MLIP: variants seen among roughly 807,000 people sequenced by gnomAD.
The protein encoded by MLIP is muscular LMNA interacting protein, also known as muscular LMNA-interacting protein.
Under a neutral mutation model 84.8 loss-of-function variants are expected in MLIP, and 79 were observed. That is an observed-to-expected ratio of 0.93 (90% CI 0.78 to 1.12). The LOEUF is 1.12. Among genes scored for constraint, MLIP ranks in the 50% most tolerant of loss-of-function variants. MLIP has a pLI of 0.00. For synonymous variants in MLIP, 504 were observed against 463.0 expected (o/e 1.09, Z -1.14); for missense variants, 1,257 against 1,160.6 (o/e 1.08, Z -1.21).
At chr6:54,171,311 G>A (rs1041896632) in intron 9 of MLIP, among the ~76,000 whole-genome samples, 5 of 151,692 alleles carry the variant, frequency 3.3e-5, no homozygotes, top group African/African-American at 1.2e-4. Context: ...GTTCAGTATA[G>A]GCTAGAACAA....
chr6:54,139,331 A>G (rs933067389), intron 4 of MLIP, among the ~76,000 whole-genome samples: 2 of 152,232 alleles, frequency 1.3e-5, no homozygotes, highest in Admixed American at 6.5e-5. Flanking sequence ...TGAGTTCAAT[A>G]TAACAGGAGT....
chr6:54,148,934 A>C, intron 4 of MLIP, 122 bp from the exon 5 acceptor site: 1 of 703,144 alleles, frequency 1.4e-6, no homozygotes. Context: ...CAAGTTGTTC[A>C]GCATAATAAC....
intron 1 of MLIP, among the ~76,000 whole-genome samples, chr6:54,103,602 C>T (rs1446088822): frequency 2.0e-5 from 3 of 152,176 alleles, no homozygotes; most frequent in Admixed American, 6.5e-5. Flanking sequence ...CTGTGTTCCT[C>T]TCTATGTAAT....
chr6:54,055,431 ATATCT>A (rs1446416759), intron 1 of MLIP, among the ~76,000 whole-genome samples: 7 of 152,312 alleles, frequency 4.6e-5, no homozygotes, highest in Admixed American at 1.3e-4. Flanking sequence ...TATTTTCAAA[ATATCT>A]TATTTTATGG....
intron 4 of MLIP, among the ~76,000 whole-genome samples, chr6:54,145,511 C>T (rs1772713811): frequency 6.6e-6 from 1 of 152,034 alleles, no homozygotes; most frequent in Non-Finnish European, 1.5e-5. Context: ...GTGGCTCACG[C>T]CTGTAATCCC....
chr6:54,085,930 C>A (rs1006657013), intron 1 of MLIP, among the ~76,000 whole-genome samples: 1 of 152,182 alleles, frequency 6.6e-6, no homozygotes. Context: ...GCTGCTCTCA[C>A]TTCTTCTGAA....
chr6:54,047,132 G>T (rs1188367255), intron 1 of MLIP: 1 of 152,124 alleles, frequency 6.6e-6, no homozygotes, highest in African/African-American at 2.4e-5. Context: ...CGTGGTAGAT[G>T]GATCAGAAAC....
Position 54,219,983 on chromosome 6 carries a change from CA to C in MLIP, c.2719-10727del, listed in dbSNP as rs1780116251. 3.9e-5 allele frequency among the ~76,000 whole-genome samples: 6 copies of C among 152,078 alleles called. 1 individual carries two copies. In the South Asian group the frequency reaches 1.0e-3, roughly 26 times the overall value. On this transcript the variant is annotated intron_variant, in intron 11 of 13. Transcript: ENST00000502396. ...TGACTTTATTAAAAAAAACCTTCGG[CA>C]AAATAATCTAGATTGACTATACCAC...
intron 1 of MLIP, among the ~76,000 whole-genome samples, chr6:54,105,480 G>A (rs1475550267): frequency 6.6e-6 from 1 of 152,182 alleles, no homozygotes; most frequent in African/African-American, 2.4e-5. Context: ...CATTGGACAA[G>A]TATTTATTGA....
chr6:54,024,038 G>T (rs545588044), intron 1 of MLIP, among the ~76,000 whole-genome samples: 1 of 152,074 alleles, frequency 6.6e-6, no homozygotes, highest in Admixed American at 6.5e-5. Context: ...TTGAATTCGA[G>T]TTTCACTCTT....
intron 1 of MLIP, among the ~76,000 whole-genome samples, chr6:54,060,163 A>C (rs976992071): frequency 5.3e-5 from 8 of 152,222 alleles, no homozygotes; most frequent in Non-Finnish European, 1.0e-4. Context: ...CTCTCCCTGG[A>C]AAGTCTAGAT....
At chr6:54,135,988 C>T (rs1437867390) in intron 3 of MLIP, among the ~76,000 whole-genome samples, 2 of 152,006 alleles carry the variant, frequency 1.3e-5, no homozygotes, top group Admixed American at 6.6e-5. Flanking sequence ...GTAAAGTGTT[C>T]GGGCTTCTTT....
intron 1 of MLIP, among the ~76,000 whole-genome samples, chr6:54,103,704 T>C (rs1768812602): frequency 6.6e-6 from 1 of 152,212 alleles, no homozygotes; most frequent in Non-Finnish European, 1.5e-5. Context: ...GTCATGTATT[T>C]CTATAAAGTA....
intron 12 of MLIP, among the ~76,000 whole-genome samples, chr6:54,255,301 C>T (rs536015249): frequency 6.6e-6 from 1 of 152,168 alleles, no homozygotes; most frequent in Non-Finnish European, 1.5e-5. Context: ...GTTATTCTAC[C>T]TCTCAGTGCT....
At chr6:54,178,333 T>G (rs1776510491) in intron 9 of MLIP, among the ~76,000 whole-genome samples, 1 of 152,120 alleles carries the variant, frequency 6.6e-6, no homozygotes, top group African/African-American at 2.4e-5. Flanking sequence ...GCCTAAAGAT[T>G]TGTCAATTTT....
intron 10 of MLIP, among the ~76,000 whole-genome samples, chr6:54,192,065 A>C (rs982052745): frequency 6.6e-6 from 1 of 151,742 alleles, no homozygotes; most frequent in Non-Finnish European, 1.5e-5. Context: ...TGTAATAAAA[A>C]AAACTTACTT....
At chr6:54,080,475 T>A (rs1214310628) in intron 1 of MLIP, among the ~76,000 whole-genome samples, 1 of 56,712 alleles carries the variant, frequency 1.8e-5, no homozygotes, top group African/African-American at 3.5e-5. Flanking sequence ...AATGTGCATG[T>A]CCTTATTTTT....
At chr6:54,074,412 T>C (rs1275637611) in intron 1 of MLIP, among the ~76,000 whole-genome samples, 1 of 152,090 alleles carries the variant, frequency 6.6e-6, no homozygotes, top group Non-Finnish European at 1.5e-5. Flanking sequence ...CGATGATTTT[T>C]TTTTCTGTTG....
intron 12 of MLIP, among the ~76,000 whole-genome samples, chr6:54,251,648 TAATA>T (rs1309797488): frequency 1.8e-5 from 2 of 110,512 alleles, no homozygotes; most frequent in Admixed American, 2.4e-4. Flanking sequence ...TTATAACATA[TAATA>T]TATAATATAA....
Sources: allele counts gnomAD v4.1 joint callset (sites outside exome capture counted in the v4.1 genomes callset), GRCh38; gene constraint gnomAD v4.1.1; transcripts MANE v1.5; gene names NCBI Gene and HGNC (gene_info 2026-07-23, HGNC 2026-07-21).